The following ROBO2 variants were observed in gnomAD, a reference collection of about 807,000 sequenced individuals.
ROBO2 encodes the protein roundabout homolog 2.
ROBO2 carries 53 observed loss-of-function variants against 160.8 expected under a neutral mutation model. That is an observed-to-expected ratio of 0.33 (90% CI 0.26 to 0.41). The LOEUF (loss-of-function observed/expected upper bound fraction) is 0.41, where lower values mean the gene tolerates loss of function less well. Among genes scored for constraint, ROBO2 ranks in the 10% least tolerant of loss-of-function variants. The probability of loss-of-function intolerance (pLI) is 1.00; values close to 1 mark genes in which losing one functional copy is unlikely to be tolerated. For missense variants in ROBO2, 1,577 were observed against 1,722.4 expected (o/e 0.92, Z 1.49); for synonymous variants, 664 against 611.7 (o/e 1.09, Z -1.26).
chr3:76,419,999 A>G (rs1018031509), intron 2 of ROBO2, among the ~76,000 whole-genome samples: 2 of 152,158 alleles, frequency 1.3e-5, no homozygotes, highest in South Asian at 2.1e-4. Context: ...TCTCTGGACT[A>G]TATGCAGTTC....
intron 2 of ROBO2, among the ~76,000 whole-genome samples, chr3:76,928,488 C>T (rs2077127176): frequency 6.9e-6 from 1 of 143,976 alleles, no homozygotes; most frequent in South Asian, 2.2e-4. Flanking sequence ...AAAACTAGAA[C>T]ACTCAAATAA....
At chr3:76,091,769 G>T (rs2108098552) in intron 2 of ROBO2, among the ~76,000 whole-genome samples, 1 of 152,226 alleles carries the variant, frequency 6.6e-6, no homozygotes, top group South Asian at 2.1e-4. Flanking sequence ...AAACTATCAA[G>T]CTATGAAAAA....
chr3:77,130,821 T>C (rs2075790360), intron 2 of ROBO2, among the ~76,000 whole-genome samples: 1 of 152,236 alleles, frequency 6.6e-6, no homozygotes, highest in South Asian at 2.1e-4. Flanking sequence ...GTAATCGCCA[T>C]GATTTTCTAG....
intron 2 of ROBO2, among the ~76,000 whole-genome samples, chr3:76,532,051 T>G (rs1228001569): frequency 6.6e-6 from 1 of 152,160 alleles, no homozygotes; most frequent in African/African-American, 2.4e-5. Flanking sequence ...AAGGTACTGT[T>G]TCCTCTTACG....
In ROBO2 at chr3:76,076,620, C is replaced by T. The variant is rs537241381; in HGVS notation, c.109+139018C>T. 5.5e-4 allele frequency among the ~76,000 whole-genome samples: 84 copies of T among 152,268 alleles called. No homozygotes were observed. The Middle Eastern group carries it at 0.01, about 18-fold the overall frequency. On this transcript the variant is annotated intron_variant, in intron 2 of 26. Coordinates refer to the ROBO2 transcript ENST00000487694. ...ATTTTATTATAGAAATTGCATTACA[C>T]TTAACAGCTGATGACCTATCTTACC...
At chr3:77,515,048 G>A (rs567728015) in intron 5 of ROBO2, among the ~76,000 whole-genome samples, 1 of 151,816 alleles carries the variant, frequency 6.6e-6, no homozygotes, top group South Asian at 2.1e-4. Flanking sequence ...AATTAGTAAT[G>A]AGCCAACTAT....
At chr3:75,974,219 T>C (rs138837382) in intron 2 of ROBO2, among the ~76,000 whole-genome samples, 1 of 151,722 alleles carries the variant, frequency 6.6e-6, no homozygotes, top group Non-Finnish European at 1.5e-5. Context: ...TGAAAACATT[T>C]AAACACAAGA....
intron 2 of ROBO2, among the ~76,000 whole-genome samples, chr3:76,992,231 C>A (rs2060706238): frequency 6.6e-6 from 1 of 150,932 alleles, no homozygotes; most frequent in Admixed American, 6.6e-5. Context: ...AGACTCATGG[C>A]AGCAGTGTGT....
At chr3:76,249,547 A>G (rs949976266) in intron 2 of ROBO2, among the ~76,000 whole-genome samples, 3 of 152,160 alleles carry the variant, frequency 2.0e-5, no homozygotes, top group African/African-American at 7.2e-5. Flanking sequence ...TACTTTTCCC[A>G]GGCAAAACTT....
chr3:77,461,222 A>T (rs1341491510), intron 2 of ROBO2, among the ~76,000 whole-genome samples: 1 of 152,174 alleles, frequency 6.6e-6, no homozygotes, highest in Non-Finnish European at 1.5e-5. Flanking sequence ...AAATTTATTC[A>T]GTTCTAAAAA....
At chr3:77,320,911 C>A (rs1401737841) in intron 2 of ROBO2, among the ~76,000 whole-genome samples, 4 of 152,074 alleles carry the variant, frequency 2.6e-5, no homozygotes, top group Non-Finnish European at 4.4e-5. Context: ...GTTTAGAAAT[C>A]TTTTCAGTTA....
At chr3:77,321,138 A>G (rs1041863975) in intron 2 of ROBO2, among the ~76,000 whole-genome samples, 1 of 152,176 alleles carries the variant, frequency 6.6e-6, no homozygotes, top group Non-Finnish European at 1.5e-5. Flanking sequence ...CTATCTGTCC[A>G]TAATTTATCA....
chr3:76,534,763 T>C (rs903106530), intron 2 of ROBO2, among the ~76,000 whole-genome samples: 10 of 152,076 alleles, frequency 6.6e-5, no homozygotes, highest in Admixed American at 6.5e-4. Flanking sequence ...TTTGCCAATC[T>C]TGTGTCAGAG....
intron 2 of ROBO2, among the ~76,000 whole-genome samples, chr3:76,866,695 T>C (rs1007063419): frequency 6.6e-6 from 1 of 152,160 alleles, no homozygotes; most frequent in African/African-American, 2.4e-5. Flanking sequence ...GCATACCAAC[T>C]CTTGTTCTAT....
intron 2 of ROBO2, among the ~76,000 whole-genome samples, chr3:76,591,043 G>A (rs1410236743): frequency 6.6e-6 from 1 of 152,016 alleles, no homozygotes; most frequent in Non-Finnish European, 1.5e-5. Flanking sequence ...CCCCACTCCT[G>A]TATAGTTAAA....
intron 22 of ROBO2, among the ~76,000 whole-genome samples, chr3:77,621,729 G>C (rs2094904486): frequency 6.6e-6 from 1 of 152,130 alleles, no homozygotes; most frequent in Admixed American, 6.5e-5. Flanking sequence ...GATCGTGTGG[G>C]GAGGAAGCCT....
intron 8 of ROBO2, among the ~76,000 whole-genome samples, chr3:77,557,408 T>A (rs1271639111): frequency 2.6e-5 from 4 of 151,960 alleles, no homozygotes; most frequent in Admixed American, 1.3e-4. Flanking sequence ...TAATCTAATA[T>A]TTTAACATCA....
At chr3:76,118,147 A>G (rs1438205570) in intron 2 of ROBO2, among the ~76,000 whole-genome samples, 1 of 152,156 alleles carries the variant, frequency 6.6e-6, no homozygotes, top group Non-Finnish European at 1.5e-5. Context: ...GTATAATAAA[A>G]CAAAGACACC....
At chr3:76,147,896 C>T (rs909737949) in intron 2 of ROBO2, among the ~76,000 whole-genome samples, 2 of 151,932 alleles carry the variant, frequency 1.3e-5, no homozygotes, top group Non-Finnish European at 2.9e-5. Flanking sequence ...GTATGTGTGA[C>T]CTGAGAGAAT....
Sources: allele counts gnomAD v4.1 joint callset (sites outside exome capture counted in the v4.1 genomes callset), GRCh38; gene constraint gnomAD v4.1.1; transcripts MANE v1.5; gene names NCBI Gene and HGNC (gene_info 2026-07-23, HGNC 2026-07-21).